Variants in MEP1A observed in about 807,000 individuals in gnomAD.
The protein encoded by MEP1A is N-benzoyl-L-tyrosyl-P-amino-benzoic acid hydrolase subunit alpha.
A neutral mutation model predicts 84.5 loss-of-function variants in MEP1A; 68 were observed. That is an observed-to-expected ratio of 0.80 (90% CI 0.66 to 0.98). The LOEUF is 0.98. Ranked by LOEUF, MEP1A falls within the 50% of genes least tolerant of loss-of-function variation. The probability of loss-of-function intolerance (pLI) is 0.00; values close to 1 mark genes in which losing one functional copy is unlikely to be tolerated. For missense variants in MEP1A, 887 were observed against 919.9 expected (o/e 0.96, Z 0.46); for synonymous variants, 337 against 336.8 (o/e 1.00, Z -0.01).
At chr6:46,808,440 T>C (rs1312893956) in intron 5 of MEP1A, among the ~76,000 whole-genome samples, 2 of 152,084 alleles carry the variant, frequency 1.3e-5, no homozygotes, top group Admixed American at 1.3e-4. Context: ...TCCTGGCCAA[T>C]AGATATAAAC....
intron 6 of MEP1A, among the ~76,000 whole-genome samples, chr6:46,815,026 C>T (rs552142642): frequency 1.2e-3 from 180 of 152,316 alleles, no homozygotes; most frequent in South Asian, 3.1e-3. Flanking sequence ...GGCAATCCTC[C>T]AGCCAGGAGG....
At chr6:46,799,725 A>G (rs1196522415) in intron 5 of MEP1A, among the ~76,000 whole-genome samples, 1 of 152,224 alleles carries the variant, frequency 6.6e-6, no homozygotes, top group East Asian at 1.9e-4. Context: ...AATGACTAGT[A>G]GAATGACTTC....
chr6:46,831,483 TCAAA>T (rs1309810740), intron 10 of MEP1A, among the ~76,000 whole-genome samples: 2 of 152,158 alleles, frequency 1.3e-5, no homozygotes, highest in Non-Finnish European at 2.9e-5. Flanking sequence ...TAAATTTGTC[TCAAA>T]CAATCGTAGT....
At chr6:46,845,052 G>T in the MEP1A span, among the ~76,000 whole-genome samples, 2 of 152,196 alleles carry the variant, frequency 1.3e-5, no homozygotes, top group Admixed American at 6.5e-5. Context: ...CACTGTGATT[G>T]TAAGTTTCCT....
At chr6:46,821,013 A>G (rs537345788) in intron 7 of MEP1A, among the ~76,000 whole-genome samples, 1 of 152,284 alleles carries the variant, frequency 6.6e-6, no homozygotes, top group Admixed American at 6.5e-5. Context: ...CAGTGCATCT[A>G]TAATAATTTT....
chr6:46,818,668 T>G (rs1767696486), intron 6 of MEP1A, among the ~76,000 whole-genome samples: 1 of 152,196 alleles, frequency 6.6e-6, no homozygotes, highest in Admixed American at 6.5e-5. Flanking sequence ...CCTCCTTGCC[T>G]GATACCCTTC....
chr6:46,824,657 AT>A (rs1767864118), intron 7 of MEP1A, among the ~76,000 whole-genome samples: 1 of 130,966 alleles, frequency 7.6e-6, no homozygotes, highest in East Asian at 2.2e-4. Flanking sequence ...TTAAATTTAT[AT>A]AATGTATTTA....
intron 6 of MEP1A, among the ~76,000 whole-genome samples, chr6:46,816,645 G>T (rs1337437872): frequency 2.6e-5 from 4 of 152,040 alleles, no homozygotes; most frequent in African/African-American, 9.7e-5. Context: ...GAGCAAACAT[G>T]AACCTGAACC....
intron 3 of MEP1A, 117 bp from the exon 4 acceptor site, chr6:46,798,489 C>A (rs989131292): frequency 3.5e-6 from 3 of 859,742 alleles, no homozygotes; most frequent in South Asian, 1.5e-5. Context: ...AAAAGTTTTG[C>A]CACATAAAGA....
the MEP1A span, among the ~76,000 whole-genome samples, chr6:46,844,962 A>T: frequency 1.3e-5 from 2 of 152,112 alleles, no homozygotes; most frequent in East Asian, 3.9e-4. Context: ...TGATGTTTTT[A>T]AAGTGTGGCA....
At chr6:46,794,586 T>G (rs1222765689) in intron 3 of MEP1A, among the ~76,000 whole-genome samples, 1 of 152,146 alleles carries the variant, frequency 6.6e-6, no homozygotes, top group Non-Finnish European at 1.5e-5. Context: ...TACCAATAAC[T>G]AAGGGTCAAT....
At chr6:46,807,681 A>G (rs1430153323) in intron 5 of MEP1A, among the ~76,000 whole-genome samples, 1 of 145,508 alleles carries the variant, frequency 6.9e-6, no homozygotes, top group Non-Finnish European at 1.5e-5. Flanking sequence ...GGAGGAGGAG[A>G]AGGAGGAGGA....
intron 6 of MEP1A, among the ~76,000 whole-genome samples, chr6:46,810,952 T>C (rs111401970): frequency 0.015 from 2,225 of 151,994 alleles, 49 homozygotes; most frequent in African/African-American, 0.05. Context: ...GCTATGTGGG[T>C]TCTTTTTTGG....
chr6:46,809,580 G>T (rs771735848), intron 6 of MEP1A, 43 bp downstream of exon 6: 7 of 1,340,768 alleles, frequency 5.2e-6, no homozygotes, highest in African/African-American at 1.4e-5. Flanking sequence ...GCATACTTTG[G>T]TTCGTAAGAA....
chr6:46,827,893 G>A (rs1767983253), intron 9 of MEP1A, among the ~76,000 whole-genome samples: 1 of 152,194 alleles, frequency 6.6e-6, no homozygotes, highest in South Asian at 2.1e-4. Flanking sequence ...TAAGAGAAAA[G>A]GACCACAGCC....
In MEP1A at chr6:46,833,430, G is replaced by A. The variant is rs750532807; in HGVS notation, c.1501G>A (p.Val501Ile). The change falls in exon 11 of 14, where the codon GTA becomes ATA. Residue 501 changes from valine (V) to isoleucine (I), a missense_variant. Coordinates refer to ENST00000230588, the MANE Select transcript of MEP1A (RefSeq NM_005588.3). The part of the protein sequence containing the change: ...GENDAILEWP[V>I]ENRQVIITIL... ...GAACGATGCTATCCTGGAGTGGCCG[G>A]TAGAAAACAGACAGGTGATAATTAC... The A allele has an allele frequency of 6.8e-6, 11 of 1,614,046 alleles. No homozygotes were observed. Among genetic ancestry groups the A allele is most frequent in the African/African-American group, 2.7e-5 (2 of 74,932 alleles).
chr6:46,807,827 GAAAGAAAGA>G (rs1767398711), intron 5 of MEP1A, among the ~76,000 whole-genome samples: 2 of 149,968 alleles, frequency 1.3e-5, no homozygotes, highest in East Asian at 2.0e-4. Flanking sequence ...AAGAAAGAAA[GAAAGAAAGA>G]AAGGAAGAAA....
intron 13 of MEP1A, 26 bp downstream of exon 13, chr6:46,835,575 G>A (rs1768201860): frequency 1.9e-6 from 3 of 1,610,084 alleles, no homozygotes; most frequent in Non-Finnish European, 2.5e-6. Flanking sequence ...GGGGAGACAG[G>A]CAGGCCAGCA....
chr6:46,831,632 T>C (rs1048613814), intron 10 of MEP1A, among the ~76,000 whole-genome samples: 7 of 152,200 alleles, frequency 4.6e-5, no homozygotes, highest in Non-Finnish European at 1.0e-4. Flanking sequence ...GATTCCCCCA[T>C]CTCAACCTCA....
Sources: allele counts gnomAD v4.1 joint callset (sites outside exome capture counted in the v4.1 genomes callset), GRCh38; gene constraint gnomAD v4.1.1; transcripts MANE v1.5; gene names NCBI Gene and HGNC (gene_info 2026-07-23, HGNC 2026-07-21).